SLC2A13: variants seen among roughly 807,000 people sequenced by gnomAD.
The protein encoded by SLC2A13 is proton myo-inositol cotransporter.
A neutral mutation model predicts 64.4 loss-of-function variants in SLC2A13; 32 were observed. The ratio of observed to expected loss-of-function variants is 0.50; its 90% CI spans 0.37 to 0.67. The LOEUF (loss-of-function observed/expected upper bound fraction) is 0.67, where lower values mean the gene tolerates loss of function less well. Ranked by LOEUF, SLC2A13 falls within the 30% of genes least tolerant of loss-of-function variation. The pLI is 0.00. For missense variants in SLC2A13, 743 were observed against 829.2 expected (o/e 0.90, Z 1.28); for synonymous variants, 338 against 327.1 (o/e 1.03, Z -0.36).
chr12:39,923,689 C>A lies in SLC2A13; in HGVS notation c.1034+27568G>T, dbSNP rs1013032231. Among the ~76,000 whole-genome samples, 42 of 70,646 alleles carry A rather than the reference C, an allele frequency of 5.9e-4. 1 individual carries two copies. The highest frequency in any genetic ancestry group is 2.0e-3 in the African/African-American group (41 of 20,434). 46.3% of individuals were successfully genotyped at this position (70,646 alleles called of 152,430 possible). A position where few individuals can be genotyped will look rare whatever the true frequency, so the allele number is the denominator to read the frequency against. On this transcript the variant is annotated intron_variant, in intron 4 of 9. Transcript: ENST00000280871. Reference sequence around the variant, plus strand: ...ATATGTATATATATATATATATATGCGCACGCGCACACACACACACACACA... The same window carrying A: ...ATATGTATATATATATATATATATGAGCACGCGCACACACACACACACACA...
intron 1 of SLC2A13, among the ~76,000 whole-genome samples, chr12:40,081,065 G>C (rs1565619013): frequency 6.6e-6 from 1 of 152,024 alleles, no homozygotes; most frequent in Non-Finnish European, 1.5e-5. Context: ...TCTGCTGAAA[G>C]GTCTGCTGTT....
intron 7 of SLC2A13, among the ~76,000 whole-genome samples, chr12:39,819,040 C>T (rs922261701): frequency 3.3e-5 from 5 of 152,082 alleles, no homozygotes; most frequent in African/African-American, 1.2e-4. Flanking sequence ...TTCAGACAAC[C>T]GCTTGCACCC....
chr12:39,980,278 T>A (rs1424554305), intron 3 of SLC2A13, among the ~76,000 whole-genome samples: 1 of 150,462 alleles, frequency 6.6e-6, no homozygotes, highest in Non-Finnish European at 1.5e-5. Flanking sequence ...ACAAGCAAAA[T>A]CACCAGTTAA....
chr12:39,874,999 CACACTAA>C (rs1944146757), intron 4 of SLC2A13, among the ~76,000 whole-genome samples: 1 of 152,232 alleles, frequency 6.6e-6, no homozygotes. Flanking sequence ...GACTTCAGCC[CACACTAA>C]ATTTTGTCCT....
chr12:39,794,184 A>T (rs1941501231), intron 7 of SLC2A13, among the ~76,000 whole-genome samples: 1 of 147,948 alleles, frequency 6.8e-6, no homozygotes, highest in African/African-American at 2.5e-5. Context: ...AAATTGCAAG[A>T]GTTGCCTGAA....
intron 7 of SLC2A13, among the ~76,000 whole-genome samples, chr12:39,808,092 C>T (rs994441713): frequency 2.6e-5 from 4 of 152,076 alleles, no homozygotes; most frequent in African/African-American, 9.7e-5. Flanking sequence ...GTAAACATTT[C>T]CATAACACCA....
chr12:40,090,098 G>A (rs555052652), intron 1 of SLC2A13, among the ~76,000 whole-genome samples: 1 of 152,226 alleles, frequency 6.6e-6, no homozygotes, highest in East Asian at 1.9e-4. Context: ...TTCAATGAAA[G>A]AGGAGTATGC....
chr12:39,931,508 A>T (rs1458388506), intron 4 of SLC2A13, among the ~76,000 whole-genome samples: 1 of 152,144 alleles, frequency 6.6e-6, no homozygotes, highest in Non-Finnish European at 1.5e-5. Context: ...TCTCATCTGG[A>T]GCTGATGCTA....
chr12:39,841,345 T>C (rs1340711779), intron 6 of SLC2A13, among the ~76,000 whole-genome samples: 1 of 152,124 alleles, frequency 6.6e-6, no homozygotes, highest in Admixed American at 6.6e-5. Flanking sequence ...TAATGAATTA[T>C]TGGGTTGGTT....
chr12:39,783,701 A>G (rs1941080968), intron 7 of SLC2A13, among the ~76,000 whole-genome samples: 1 of 152,072 alleles, frequency 6.6e-6, no homozygotes, highest in Middle Eastern at 3.2e-3. Flanking sequence ...TCCTTTGCCC[A>G]CTTTTTGGGG....
intron 1 of SLC2A13, among the ~76,000 whole-genome samples, chr12:40,102,399 T>C (rs765428812): frequency 6.6e-6 from 1 of 152,196 alleles, no homozygotes; most frequent in Non-Finnish European, 1.5e-5. Flanking sequence ...AATCCTACCT[T>C]AAAGTGCTAC....
chr12:39,896,213 T>C (rs1347215396), intron 4 of SLC2A13, among the ~76,000 whole-genome samples: 1 of 148,680 alleles, frequency 6.7e-6, no homozygotes, highest in Non-Finnish European at 1.5e-5. Context: ...TACATGTATA[T>C]ACGTATACAT....
intron 3 of SLC2A13, among the ~76,000 whole-genome samples, chr12:39,954,892 A>T (rs1319715709): frequency 6.6e-6 from 1 of 152,186 alleles, no homozygotes; most frequent in Admixed American, 6.5e-5. Context: ...AGAAAAGGGA[A>T]ATTGAAAAAC....
chr12:40,084,898 T>C (rs775347239), intron 1 of SLC2A13, among the ~76,000 whole-genome samples: 3 of 151,908 alleles, frequency 2.0e-5, no homozygotes, highest in South Asian at 2.1e-4. Context: ...AGGATAAGGG[T>C]TGGTCACTGG....
At chr12:39,913,210 C>T (rs1945459452) in intron 4 of SLC2A13, among the ~76,000 whole-genome samples, 1 of 151,920 alleles carries the variant, frequency 6.6e-6, no homozygotes, top group African/African-American at 2.4e-5. Flanking sequence ...TGAAAGACTA[C>T]TGAGGTTTCT....
rs371720487 is a variant in SLC2A13, at chr12:39,994,599, A to G, written c.925+33702T>C. Among the ~76,000 whole-genome samples, 4 of 152,174 alleles carry G rather than the reference A, an allele frequency of 2.6e-5. No homozygotes were observed. In the East Asian group the frequency reaches 7.7e-4, roughly 29 times the overall value. ...TACAAACACACACAAACACAAGCATATCTGTGCATATAGTTTTATGCACAT... is the reference window on the plus strand; with the variant it reads ...TACAAACACACACAAACACAAGCATGTCTGTGCATATAGTTTTATGCACAT... On this transcript the variant is annotated intron_variant, in intron 3 of 9. Transcript: ENST00000280871.
At chr12:39,843,763 A>C (rs1480527787) in intron 6 of SLC2A13, among the ~76,000 whole-genome samples, 5 of 152,056 alleles carry the variant, frequency 3.3e-5, no homozygotes, top group African/African-American at 7.2e-5. Flanking sequence ...CTGAGATATA[A>C]GCAGAGTTGT....
chr12:39,912,995 T>C (rs1346601975), intron 4 of SLC2A13, among the ~76,000 whole-genome samples: 1 of 152,108 alleles, frequency 6.6e-6, no homozygotes, highest in Non-Finnish European at 1.5e-5. Context: ...CACATAATGA[T>C]GAGTCCTCTT....
At chr12:39,906,004 A>T (rs1945266009) in intron 4 of SLC2A13, among the ~76,000 whole-genome samples, 1 of 152,170 alleles carries the variant, frequency 6.6e-6, no homozygotes, top group Non-Finnish European at 1.5e-5. Context: ...ACAGCTGATT[A>T]AGAGGACTCT....
Sources: gnomAD v4.1 joint callset for allele counts (sites outside exome capture counted in the v4.1 genomes callset) on GRCh38, gnomAD v4.1.1 for gene constraint, MANE v1.5 for transcripts, NCBI Gene and HGNC (gene_info 2026-07-23, HGNC 2026-07-21) for gene names.